The following RAP1GAP2 variants were observed in gnomAD, a reference collection of about 807,000 sequenced individuals.
The protein encoded by RAP1GAP2 is rap1 GTPase-activating protein 2.
In RAP1GAP2, 27 loss-of-function variants were observed where a neutral mutation model predicts 95.0. The observed-to-expected ratio is 0.28, with a 90% confidence interval of 0.21 to 0.39. The LOEUF is 0.39. RAP1GAP2 is among the 10% of genes least tolerant of loss of function. The pLI, the probability that RAP1GAP2 is intolerant of heterozygous loss-of-function variation, is 1.00. For synonymous variants in RAP1GAP2, 373 were observed against 380.9 expected, an observed-to-expected ratio of 0.98 and a Z score of 0.24; for missense variants, 771 against 970.0, an observed-to-expected ratio of 0.79 and a Z score of 2.72.
intron 3 of RAP1GAP2, among the ~76,000 whole-genome samples, chr17:2,947,556 C>A (rs1193323870): frequency 2.6e-5 from 4 of 152,186 alleles, no homozygotes; most frequent in East Asian, 1.9e-4. Flanking sequence ...TATTGAGCAT[C>A]TACTGTGTGC....
intron 19 of RAP1GAP2, among the ~76,000 whole-genome samples, chr17:3,023,419 G>A (rs1346928397): frequency 6.6e-6 from 1 of 152,160 alleles, no homozygotes; most frequent in Non-Finnish European, 1.5e-5. Context: ...TAAGGGAAAG[G>A]GCGGCATTTG....
At position 3,008,185 on chromosome 17, in the gene RAP1GAP2, G is replaced by C; in HGVS notation, c.1494+40G>C. 1 of 1,611,682 alleles carries C rather than the reference G, an allele frequency of 6.2e-7. No individual in the cohort carries two copies. The highest frequency in any genetic ancestry group is 8.5e-7 in the Non-Finnish European group (1 of 1,178,296). ...GTGACTGATGGTTGCTGTGGGGTTG[G>C]GATTGGGGAAGAAAGGAAGTGGTCC... is the stretch of plus-strand genomic sequence containing the variant. On this transcript the variant is annotated intron_variant, in intron 17 of 24. Transcript: ENST00000254695. The surrounding 1 kb of genome is among the most constrained non-coding windows in gnomAD (Gnocchi z 4.2).
chr17:2,787,248 G>T (rs574139334), intron 1 of RAP1GAP2, among the ~76,000 whole-genome samples: 1 of 150,030 alleles, frequency 6.7e-6, no homozygotes, highest in East Asian at 2.0e-4. Context: ...ACCATGCCCA[G>T]CTTTGGTTTT....
At chr17:2,755,792 G>A (rs1276278374) in intron 1 of RAP1GAP2, 3 of 353,890 alleles carry the variant, frequency 8.5e-6, no homozygotes, top group Admixed American at 4.7e-5. Context: ...GGCGGCGCGG[G>A]GCCTAATGCG....
upstream of RAP1GAP2, among the ~76,000 whole-genome samples, chr17:2,792,927 C>T (rs551826512): frequency 3.3e-5 from 5 of 152,266 alleles, no homozygotes; most frequent in South Asian, 1.0e-3. Flanking sequence ...CTCCATAGAC[C>T]GGGAGGCCCC....
Position 2,854,122 on chromosome 17 carries a change from G to T in RAP1GAP2, c.81-51162G>T, listed in dbSNP as rs1304865088. On this transcript the variant is annotated intron_variant, in intron 2 of 24. Transcript: ENST00000254695. The stretch of plus-strand genomic sequence containing the variant: ...GAAAAGGTAAACCCCTGCAGCGCCG[G>T]CCGCTTCCCTCCGCTCTCCTGCTGC... 3.0e-6 allele frequency: 3 copies of T among 985,324 alleles called. No homozygotes were observed. In the African/African-American group the frequency reaches 5.2e-5, roughly 17 times the overall value. The allele number at this position is 985,324 out of a possible 1,614,324, so 61.0% of individuals were successfully genotyped here. A position where few individuals can be genotyped will look rare whatever the true frequency, so the allele number is the denominator to read the frequency against.
At chr17:2,769,189 G>A (rs986832585) in intron 1 of RAP1GAP2, among the ~76,000 whole-genome samples, 2 of 132,404 alleles carry the variant, frequency 1.5e-5, no homozygotes, top group African/African-American at 2.9e-5. Flanking sequence ...CTATAATTGC[G>A]CCACTGCACT....
At chr17:2,841,181 A>C (rs561332114) in intron 2 of RAP1GAP2, among the ~76,000 whole-genome samples, 1 of 152,128 alleles carries the variant, frequency 6.6e-6, no homozygotes, top group Non-Finnish European at 1.5e-5. Context: ...AACAATAAAA[A>C]ACATGAAGTC....
intron 22 of RAP1GAP2, among the ~76,000 whole-genome samples, chr17:3,030,479 C>G (rs1001767724): frequency 1.8e-4 from 27 of 152,120 alleles, no homozygotes; most frequent in African/African-American, 5.8e-4. Context: ...GGTGTAAATA[C>G]ACTTGTCGTG....
At chr17:2,974,629 G>A (rs2045030812) in intron 8 of RAP1GAP2, among the ~76,000 whole-genome samples, 1 of 151,604 alleles carries the variant, frequency 6.6e-6, no homozygotes, top group Non-Finnish European at 1.5e-5. Flanking sequence ...AAGGAGGCTT[G>A]AACTAAATTT....
chr17:2,946,218 T>G (rs555441028), intron 3 of RAP1GAP2, among the ~76,000 whole-genome samples: 2 of 152,352 alleles, frequency 1.3e-5, no homozygotes, highest in East Asian at 3.9e-4. Flanking sequence ...TCTGACTCTA[T>G]CCATAAAGAT....
upstream of RAP1GAP2, among the ~76,000 whole-genome samples, chr17:2,772,347 A>G (rs1321122155): frequency 3.3e-5 from 5 of 152,140 alleles, no homozygotes; most frequent in African/African-American, 1.2e-4. Context: ...CTGGACTGCA[A>G]TGGGATGATC....
chr17:2,815,339 C>T (rs2069960762), intron 2 of RAP1GAP2, among the ~76,000 whole-genome samples: 1 of 152,130 alleles, frequency 6.6e-6, no homozygotes, highest in Admixed American at 6.6e-5. Context: ...AGGATAATAA[C>T]AGTACCTGCA....
chr17:2,922,626 G>A (rs1025725653), intron 3 of RAP1GAP2, among the ~76,000 whole-genome samples: 3 of 152,050 alleles, frequency 2.0e-5, no homozygotes, highest in Admixed American at 6.6e-5. Flanking sequence ...GCTCCAGCTC[G>A]CACAAATGGG....
intron 3 of RAP1GAP2, among the ~76,000 whole-genome samples, chr17:2,918,768 T>C (rs534046095): frequency 2.8e-4 from 43 of 152,230 alleles, no homozygotes; most frequent in African/African-American, 4.3e-4. Flanking sequence ...GCACTGAGGG[T>C]TACAGTCCCA....
Position 2,965,838 on chromosome 17 carries a change from A to T in RAP1GAP2, c.596+195A>T. ...AGCAGGGAGACCCACGCGCTCCACC[A>T]GTTAGCTGACAGTCAGAGGGGCATC... On this transcript the variant is annotated intron_variant, in intron 8 of 24. Coordinates refer to ENST00000254695, the MANE Select transcript of RAP1GAP2 (RefSeq NM_015085.5). This position sits in a 1 kb window ranked among gnomAD's most constrained non-coding sequence, Gnocchi z 4.7. 1 of 582,258 alleles carries T rather than the reference A, an allele frequency of 1.7e-6. No homozygotes were observed. Among genetic ancestry groups the T allele is most frequent in the Admixed American group, 3.1e-5 (1 of 32,592 alleles). The allele number at this position is 582,258 out of a possible 1,614,324, so 36.1% of individuals were successfully genotyped here. A position where few individuals can be genotyped will look rare whatever the true frequency, so the allele number is the denominator to read the frequency against.
At chr17:2,816,513 T>G (rs2070036032) in intron 2 of RAP1GAP2, among the ~76,000 whole-genome samples, 1 of 151,758 alleles carries the variant, frequency 6.6e-6, no homozygotes, top group African/African-American at 2.4e-5. Flanking sequence ...AATTTTTATA[T>G]TTTTTAGTAG....
rs189812348 is a variant in RAP1GAP2, at chr17:2,901,582, G to A, written c.81-3702G>A. On this transcript the variant is annotated intron_variant, in intron 2 of 24. Coordinates refer to ENST00000254695, the MANE Select transcript of RAP1GAP2 (RefSeq NM_015085.5). ...TGGGTCACAAAGAAGTTGTCACCTC[G>A]GCTAAGGATTTACCTTTTGCTTCTA... Among the ~76,000 whole-genome samples the A allele has an allele frequency of 3.5e-3, 535 of 152,286 alleles. 4 individuals carry two copies. The highest frequency in any genetic ancestry group is 5.9e-3 in the Non-Finnish European group (398 of 68,026).
intron 2 of RAP1GAP2, among the ~76,000 whole-genome samples, chr17:2,880,866 C>T (rs2073259095): frequency 1.3e-5 from 2 of 152,174 alleles, no homozygotes; most frequent in Admixed American, 1.3e-4. Context: ...GTGGCTCACG[C>T]CTGGAATCCC....
Sources: allele counts gnomAD v4.1 joint callset (sites outside exome capture counted in the v4.1 genomes callset), GRCh38; gene constraint gnomAD v4.1.1; non-coding constraint Gnocchi (gnomAD v3.1); transcripts MANE v1.5; gene names NCBI Gene and HGNC (gene_info 2026-07-23, HGNC 2026-07-21).